The following ANXA4 variants were observed in gnomAD, a reference collection of about 807,000 sequenced individuals.
ANXA4 encodes annexin A4, also known as 35-beta calcimedin.
ANXA4 carries 39 observed loss-of-function variants against 49.8 expected under a neutral mutation model. The observed-to-expected ratio is 0.78, with a 90% CI of 0.61 to 1.02. The LOEUF (loss-of-function observed/expected upper bound fraction) is 1.02, where lower values mean the gene tolerates loss of function less well. Ranked by LOEUF, ANXA4 falls within the 50% of genes least tolerant of loss-of-function variation. ANXA4 has a pLI of 0.00. For missense variants in ANXA4, 360 were observed against 410.1 expected (o/e 0.88, Z 1.05); for synonymous variants, 134 against 152.5 (o/e 0.88, Z 0.89).
At chr2:69,647,393 TTTATTTA>T (rs1478224344) in intron 1 of ANXA4, among the ~76,000 whole-genome samples, 1 of 106,274 alleles carries the variant, frequency 9.4e-6, no homozygotes, top group East Asian at 5.4e-4. Flanking sequence ...TTTTATTTTA[TTTATTTA>T]TTTATTTATT....
chr2:69,656,240 CGT>C lies in ANXA4; in HGVS notation n.766+2959_766+2960del, dbSNP rs1559045615. ...ATATATGTATATATGTATATATATA[CGT>C]ATATATATGTATATACGTATATATA... On this transcript the variant is annotated intron_variant and non_coding_transcript_variant, in intron 2 of 3. Transcript: ENST00000418066. 5.6e-5 allele frequency among the ~76,000 whole-genome samples: 6 copies of C among 107,300 alleles called. 1 individual carries two copies. The highest frequency in any genetic ancestry group is 8.6e-4 in the East Asian group (2 of 2,320). 70.4% of individuals were successfully genotyped at this position (107,300 alleles called of 152,430 possible).
chr2:69,657,054 G>A (rs911296114), intron 2 of ANXA4, among the ~76,000 whole-genome samples: 3 of 150,594 alleles, frequency 2.0e-5, no homozygotes, highest in African/African-American at 7.4e-5. Flanking sequence ...GAGTACAGTG[G>A]CGCAATCTCA....
chr2:69,788,022 C>G (rs761683739), intron 2 of ANXA4, 32 bp from the exon 3 acceptor site: 1 of 1,590,174 alleles, frequency 6.3e-7, no homozygotes, highest in East Asian at 2.2e-5. Flanking sequence ...GAGAGGCTGC[C>G]TCTCAGTAAC....
chr2:69,801,403 G>GT (rs11404114), intron 3 of ANXA4, among the ~76,000 whole-genome samples: 39,578 of 147,962 alleles, frequency 0.27, 5,624 homozygotes, highest in Admixed American at 0.45. Context: ...TCTGTTTTTT[G>GT]TTTTTTTTTT....
At chr2:69,742,380 C>T (rs994700025) in intron 1 of ANXA4, among the ~76,000 whole-genome samples, 2 of 152,144 alleles carry the variant, frequency 1.3e-5, no homozygotes, top group Non-Finnish European at 2.9e-5. Flanking sequence ...GAGAGGGAGG[C>T]GAGCGCGGTG....
At chr2:69,786,985 A>G (rs535533996) in intron 2 of ANXA4, among the ~76,000 whole-genome samples, 82 of 152,272 alleles carry the variant, frequency 5.4e-4, no homozygotes, top group African/African-American at 1.9e-3. Flanking sequence ...TCAGCCTCCC[A>G]AAGTGCTGGG....
chr2:69,783,953 A>G (rs1451954100), intron 2 of ANXA4, among the ~76,000 whole-genome samples: 1 of 152,084 alleles, frequency 6.6e-6, no homozygotes, highest in Non-Finnish European at 1.5e-5. Flanking sequence ...TTGTTCCTCC[A>G]TTCCTTTTTA....
chr2:69,694,741 C>T (rs1220811843), intron 2 of ANXA4, among the ~76,000 whole-genome samples: 1 of 151,776 alleles, frequency 6.6e-6, no homozygotes, highest in Non-Finnish European at 1.5e-5. Flanking sequence ...ACTAAGACAC[C>T]AGTCATTCTG....
At chr2:69,648,349 G>T (rs890480820) in intron 1 of ANXA4, among the ~76,000 whole-genome samples, 8 of 152,126 alleles carry the variant, frequency 5.3e-5, no homozygotes, top group Non-Finnish European at 1.0e-4. Flanking sequence ...GTCTTTTAGC[G>T]AAGTGGAACT....
At chr2:69,750,394 A>G (rs1314444680) in intron 1 of ANXA4, among the ~76,000 whole-genome samples, 1 of 151,972 alleles carries the variant, frequency 6.6e-6, no homozygotes, top group Non-Finnish European at 1.5e-5. Context: ...TGGTGGAGAA[A>G]GTTCTGCTTT....
intron 6 of ANXA4, 64 bp downstream of exon 6, chr2:69,808,060 C>T (rs1368819373): frequency 1.7e-5 from 25 of 1,491,036 alleles, no homozygotes; most frequent in Non-Finnish European, 2.3e-5. Context: ...AGGGTAGCAG[C>T]GGGTTGTTGT....
At chr2:69,779,258 G>C (rs1465047435) in intron 1 of ANXA4, among the ~76,000 whole-genome samples, 2 of 152,006 alleles carry the variant, frequency 1.3e-5, no homozygotes, top group Non-Finnish European at 2.9e-5. Context: ...AGATAAAGAT[G>C]TCTAGTTATG....
chr2:69,674,017 T>G (rs1177703306), intron 2 of ANXA4: 4 of 152,476 alleles, frequency 2.6e-5, no homozygotes, highest in Non-Finnish European at 5.9e-5. Flanking sequence ...CCACTGTGCT[T>G]CTTACCTGCG....
chr2:69,724,211 G>A (rs1212480309), intron 3 of ANXA4, among the ~76,000 whole-genome samples: 3 of 152,248 alleles, frequency 2.0e-5, no homozygotes, highest in African/African-American at 7.2e-5. Flanking sequence ...GAGGGTGGGT[G>A]TACCCATCTT....
intron 3 of ANXA4, among the ~76,000 whole-genome samples, chr2:69,724,059 G>C (rs1327750308): frequency 6.6e-6 from 1 of 152,228 alleles, no homozygotes; most frequent in African/African-American, 2.4e-5. Context: ...GGCGGAGGTT[G>C]CGGTAAGCCA....
At chr2:69,778,029 C>T (rs190783519) in intron 1 of ANXA4, among the ~76,000 whole-genome samples, 49 of 152,240 alleles carry the variant, frequency 3.2e-4, no homozygotes, top group Middle Eastern at 3.4e-3. Context: ...AATAAGTCTT[C>T]GAAGTTTGAA....
At chr2:69,792,991 T>A (rs556106868) in intron 3 of ANXA4, among the ~76,000 whole-genome samples, 1 of 151,286 alleles carries the variant, frequency 6.6e-6, no homozygotes, top group Admixed American at 6.6e-5. Context: ...CAATGGCTCC[T>A]GCCTGTAATC....
rs772272059 is a variant in ANXA4 at position 69,781,536 on chromosome 2, G to T, written c.-30G>T. ...TTATCACAGAAGAACTTCTGCTTGG[G>T]TGGCTGAACTCTGATCTTGACCTAG... On this transcript the variant is annotated 5_prime_UTR_variant, in exon 2 of 13. Coordinates refer to ENST00000394295, the MANE Select transcript of ANXA4 (RefSeq NM_001153.5). The T allele has an allele frequency of 3.1e-6, 5 of 1,613,780 alleles. No homozygotes were observed. In the South Asian group the frequency reaches 5.5e-5, roughly 18 times the overall value.
At chr2:69,789,468 T>G (rs1412239700) in intron 3 of ANXA4, among the ~76,000 whole-genome samples, 8 of 152,182 alleles carry the variant, frequency 5.3e-5, no homozygotes, top group Non-Finnish European at 1.5e-5. Context: ...TGAAGCAGCC[T>G]TGTTGTCTGG....
Sources: allele counts gnomAD v4.1 joint callset (sites outside exome capture counted in the v4.1 genomes callset), GRCh38; gene constraint gnomAD v4.1.1; transcripts MANE v1.5; gene names NCBI Gene and HGNC (gene_info 2026-07-23, HGNC 2026-07-21).